SV2C: variants seen among roughly 807,000 people sequenced by gnomAD.
The protein encoded by SV2C is synaptic vesicle glycoprotein 2C, also known as solute carrier family 22 member B3.
Under a neutral mutation model 79.7 loss-of-function variants are expected in SV2C, and 49 were observed. The ratio of observed to expected loss-of-function variants is 0.61; its 90% CI spans 0.49 to 0.78. SV2C has a LOEUF of 0.78. Ranked by LOEUF, SV2C falls within the 30% of genes least tolerant of loss-of-function variation. The pLI is 0.00. For missense variants in SV2C, 833 were observed against 912.9 expected, an observed-to-expected ratio of 0.91 and a Z score of 1.13; for synonymous variants, 334 against 333.2, an observed-to-expected ratio of 1.00 and a Z score of -0.03.
At chr5:76,234,169 A>G (rs1406360825) in intron 4 of SV2C, among the ~76,000 whole-genome samples, 1 of 152,230 alleles carries the variant, frequency 6.6e-6, no homozygotes, top group African/African-American at 2.4e-5. Flanking sequence ...ATAAATATTT[A>G]AATGTGAAGG....
At chr5:76,024,263 C>T in the SV2C span, among the ~76,000 whole-genome samples, 2 of 152,142 alleles carry the variant, frequency 1.3e-5, no homozygotes, top group East Asian at 3.9e-4. Context: ...ATACCCACCA[C>T]GATGTCAGAA....
chr5:76,083,707 G>T (rs1318147214), intron 1 of SV2C, among the ~76,000 whole-genome samples, 195 bp downstream of exon 1: 1 of 152,228 alleles, frequency 6.6e-6, no homozygotes, highest in South Asian at 2.1e-4. Context: ...GTTGGAGAGG[G>T]ACCAGGAAAG....
chr5:76,274,680 CCTT>C (rs1486482773), intron 4 of SV2C, among the ~76,000 whole-genome samples: 3 of 124,032 alleles, frequency 2.4e-5, no homozygotes, highest in Admixed American at 1.8e-4. Flanking sequence ...TCCTTTTTCT[CCTT>C]CTTTTTTTTT....
intron 10 of SV2C, 35 bp from the exon 11 acceptor site, chr5:76,300,694 A>G: frequency 6.2e-7 from 1 of 1,600,856 alleles, no homozygotes; most frequent in Non-Finnish European, 8.6e-7. Context: ...GCCTGGTAAG[A>G]GCTTGATGAA....
the SV2C span, among the ~76,000 whole-genome samples, chr5:75,875,358 T>A: frequency 6.6e-6 from 1 of 152,180 alleles, no homozygotes; most frequent in Non-Finnish European, 1.5e-5. Flanking sequence ...TAAATGGTGC[T>A]GGGATAACAG....
chr5:75,955,340 A>G, the SV2C span, among the ~76,000 whole-genome samples: 8,402 of 149,340 alleles, frequency 0.056, 729 homozygotes, highest in African/African-American at 0.19. Flanking sequence ...CTGGCTAGCC[A>G]TATGTAGAAA....
At chr5:76,303,345 C>T (rs998456418) in intron 12 of SV2C, among the ~76,000 whole-genome samples, 1 of 152,236 alleles carries the variant, frequency 6.6e-6, no homozygotes, top group Non-Finnish European at 1.5e-5. Context: ...ATCAACCTCT[C>T]ATTCTGCAAA....
chr5:76,037,760 G>T, the SV2C span, among the ~76,000 whole-genome samples: 1 of 152,246 alleles, frequency 6.6e-6, no homozygotes, highest in Non-Finnish European at 1.5e-5. Context: ...TCCTTGAGCT[G>T]TGGTGGGCTC....
intron 12 of SV2C, among the ~76,000 whole-genome samples, chr5:76,318,287 G>A (rs1230249930): frequency 1.3e-5 from 2 of 152,056 alleles, no homozygotes; most frequent in East Asian, 3.9e-4. Context: ...GCATGATGGT[G>A]CGCACCTGTA....
intron 3 of SV2C, among the ~76,000 whole-genome samples, chr5:76,204,172 C>T (rs1045350478): frequency 3.9e-5 from 6 of 152,192 alleles, no homozygotes; most frequent in Admixed American, 1.3e-4. Flanking sequence ...TCCCTTATTT[C>T]TGGGTCCAAT....
At chr5:76,266,762 T>A (rs2972826) in intron 4 of SV2C, among the ~76,000 whole-genome samples, 91,536 of 151,430 alleles carry the variant, frequency 0.6, 27,961 homozygotes, top group South Asian at 0.73. Flanking sequence ...ACAATGTAAA[T>A]GTACTTAATG....
the SV2C span, among the ~76,000 whole-genome samples, chr5:76,020,791 G>C: frequency 2.6e-5 from 4 of 152,160 alleles, no homozygotes; most frequent in South Asian, 4.1e-4. Context: ...TCTGGGACAA[G>C]ATGGGTTAAG....
At chr5:75,897,479 T>C in the SV2C span, among the ~76,000 whole-genome samples, 1 of 152,138 alleles carries the variant, frequency 6.6e-6, no homozygotes, top group East Asian at 1.9e-4. Flanking sequence ...AGCCTTGTAG[T>C]ATAGTTTGAA....
At chr5:76,232,929 T>C (rs1227195960) in intron 4 of SV2C, among the ~76,000 whole-genome samples, 4 of 142,828 alleles carry the variant, frequency 2.8e-5, no homozygotes, top group Non-Finnish European at 4.4e-5. Context: ...CGGGCTCTTT[T>C]TTGGTTCCAT....
At chr5:76,102,813 A>C (rs969718452) in intron 1 of SV2C, among the ~76,000 whole-genome samples, 4 of 152,066 alleles carry the variant, frequency 2.6e-5, no homozygotes, top group African/African-American at 9.7e-5. Flanking sequence ...GTTATTAATC[A>C]CTCAGAAAAA....
At chr5:76,234,798 T>A (rs1330497480) in intron 4 of SV2C, among the ~76,000 whole-genome samples, 1 of 152,182 alleles carries the variant, frequency 6.6e-6, no homozygotes, top group African/African-American at 2.4e-5. Flanking sequence ...TCATAGCCAA[T>A]CAAAAGTGTG....
chr5:76,189,715 T>C (rs1330075481), intron 2 of SV2C, among the ~76,000 whole-genome samples: 3 of 152,198 alleles, frequency 2.0e-5, no homozygotes, highest in Non-Finnish European at 4.4e-5. Context: ...ATTCTGCAGC[T>C]TTGATTTTTA....
chr5:75,973,241 G>T, the SV2C span, among the ~76,000 whole-genome samples: 5 of 151,766 alleles, frequency 3.3e-5, no homozygotes, highest in Admixed American at 6.6e-5. Context: ...TGAGTTAATG[G>T]GTGCAGTACA....
intron 4 of SV2C, among the ~76,000 whole-genome samples, chr5:76,231,488 C>G (rs192375282): frequency 3.4e-4 from 52 of 151,520 alleles, no homozygotes; most frequent in African/African-American, 1.2e-3. Flanking sequence ...GCACATTGTG[C>G]AGGTTAGTTA....
Sources: gnomAD v4.1 joint callset for allele counts (sites outside exome capture counted in the v4.1 genomes callset) on GRCh38, gnomAD v4.1.1 for gene constraint, MANE v1.5 for transcripts, NCBI Gene and HGNC (gene_info 2026-07-23, HGNC 2026-07-21) for gene names.